The following KCNAB1 variants were observed in gnomAD, a reference collection of about 807,000 sequenced individuals.
The protein encoded by KCNAB1 is potassium voltage-gated channel subfamily A regulatory beta subunit 1, also known as voltage-gated potassium channel subunit beta-1.
A neutral mutation model predicts 64.6 loss-of-function variants in KCNAB1; 35 were observed. The observed-to-expected ratio is 0.54, with a 90% CI of 0.41 to 0.72. The LOEUF (loss-of-function observed/expected upper bound fraction) is 0.72, where lower values mean the gene tolerates loss of function less well. Ranked by LOEUF, KCNAB1 falls within the 30% of genes least tolerant of loss-of-function variation. The probability of loss-of-function intolerance (pLI) is 0.00; values close to 1 mark genes in which losing one functional copy is unlikely to be tolerated. For synonymous variants in KCNAB1, 177 were observed against 183.8 expected (o/e 0.96, Z 0.30); for missense variants, 401 against 512.9 (o/e 0.78, Z 2.11).
At position 156,342,723 on chromosome 3, in the gene KCNAB1, C is replaced by T. The variant is rs144979515; in HGVS notation, c.276-78893C>T. On this transcript the variant is annotated intron_variant, in intron 1 of 13. Transcript: ENST00000490337. ...TGCGCTGCGCCCACTAACGTGTCAT[C>T]TAGCATTAGGTATATCTCCCAATGA... Among the ~76,000 whole-genome samples, 862 of 149,546 alleles carry T rather than the reference C, an allele frequency of 5.8e-3. 10 individuals are homozygous for T. The highest frequency in any genetic ancestry group is 0.021 in the African/African-American group (840 of 40,640).
chr3:156,290,856 T>C, intron 1 of KCNAB1: 1 of 567,386 alleles, frequency 1.8e-6, no homozygotes, highest in Non-Finnish European at 2.2e-6. Context: ...AAGTCTGCAC[T>C]GTGGCATCTC....
chr3:156,261,938 T>G (rs370778071), intron 1 of KCNAB1, among the ~76,000 whole-genome samples: 1 of 152,106 alleles, frequency 6.6e-6, no homozygotes, highest in East Asian at 1.9e-4. Context: ...TTTGTACTTC[T>G]TTTTAAAAAT....
chr3:156,234,299 C>T (rs533343637), intron 1 of KCNAB1, among the ~76,000 whole-genome samples: 1 of 152,058 alleles, frequency 6.6e-6, no homozygotes, highest in East Asian at 1.9e-4. Flanking sequence ...TGTCTGTGTG[C>T]CTATGGGAAA....
At chr3:156,451,802 C>T (rs536156711) in intron 2 of KCNAB1, among the ~76,000 whole-genome samples, 2 of 152,156 alleles carry the variant, frequency 1.3e-5, no homozygotes, top group South Asian at 2.1e-4. Context: ...CTTTCCTGGC[C>T]GGTGCTCTTG....
chr3:156,179,000 C>CAA (rs200144513), intron 1 of KCNAB1, among the ~76,000 whole-genome samples: 2,141 of 107,802 alleles, frequency 0.02, 157 homozygotes, highest in African/African-American at 0.068. Context: ...GACTCCGTCT[C>CAA]AAAAAAAAAA....
intron 8 of KCNAB1, among the ~76,000 whole-genome samples, chr3:156,495,056 T>C (rs1715913538): frequency 6.6e-6 from 1 of 152,130 alleles, no homozygotes; most frequent in South Asian, 2.1e-4. Flanking sequence ...CCCCAGTGTG[T>C]GTGCCCTGCA....
At chr3:156,259,109 G>A (rs1262469138) in intron 1 of KCNAB1, among the ~76,000 whole-genome samples, 1 of 152,198 alleles carries the variant, frequency 6.6e-6, no homozygotes, top group Non-Finnish European at 1.5e-5. Flanking sequence ...TTGGGATCTA[G>A]TGACTCAATG....
intron 1 of KCNAB1, chr3:156,143,127 T>C (rs1013333015): frequency 1.3e-6 from 2 of 1,512,052 alleles, no homozygotes; most frequent in Admixed American, 2.2e-5. Context: ...ATACAGTGAG[T>C]CTTAAAGTTA....
intron 1 of KCNAB1, among the ~76,000 whole-genome samples, chr3:156,352,988 C>T (rs992471849): frequency 6.6e-6 from 1 of 152,264 alleles, no homozygotes; most frequent in Admixed American, 6.5e-5. Flanking sequence ...GCTCACCCCA[C>T]ACATCTAACA....
intron 1 of KCNAB1, among the ~76,000 whole-genome samples, chr3:156,298,634 A>T (rs370579293): frequency 6.6e-6 from 1 of 152,148 alleles, no homozygotes. Context: ...ACAGTATGAG[A>T]TTTGGATTCA....
chr3:156,138,408 A>G (rs6441034), intron 1 of KCNAB1, among the ~76,000 whole-genome samples: 107,851 of 152,076 alleles, frequency 0.71, 38,555 homozygotes, highest in Admixed American at 0.78. Context: ...CCCGGCAGTG[A>G]CAGTGCATTC....
intron 1 of KCNAB1, among the ~76,000 whole-genome samples, chr3:156,139,803 A>C (rs1714603336): frequency 6.6e-6 from 1 of 152,086 alleles, no homozygotes; most frequent in African/African-American, 2.4e-5. Context: ...CATTCTGATC[A>C]TTATAACTGG....
intron 1 of KCNAB1, among the ~76,000 whole-genome samples, chr3:156,282,537 C>T (rs1308300080): frequency 9.4e-5 from 14 of 149,318 alleles, no homozygotes; most frequent in Admixed American, 6.6e-4. Context: ...CTTTCTGTCT[C>T]GTTGATCTGT....
At chr3:156,436,109 C>T (rs1487250846) in intron 2 of KCNAB1, among the ~76,000 whole-genome samples, 1 of 152,052 alleles carries the variant, frequency 6.6e-6, no homozygotes, top group African/African-American at 2.4e-5. Context: ...GTGTTGTTAC[C>T]CTCCCTGTAT....
intron 1 of KCNAB1, among the ~76,000 whole-genome samples, chr3:156,339,745 A>G (rs1375930): frequency 0.019 from 2,923 of 152,302 alleles, 43 homozygotes; most frequent in Non-Finnish European, 0.032. Context: ...GCCATTGCAC[A>G]TCTGTGACCT....
At chr3:156,369,437 G>A (rs9853634) in intron 1 of KCNAB1, among the ~76,000 whole-genome samples, 39,995 of 152,086 alleles carry the variant, frequency 0.26, 6,587 homozygotes, top group African/African-American at 0.47. Flanking sequence ...ATATGTATTC[G>A]TTTCTCTTAG....
upstream of KCNAB1, among the ~76,000 whole-genome samples, chr3:156,119,394 G>A (rs1383512320): frequency 2.0e-5 from 3 of 152,184 alleles, no homozygotes; most frequent in African/African-American, 7.2e-5. Flanking sequence ...GAGGCCTTAT[G>A]ACAGCCTATT....
chr3:156,338,064 G>T (rs1046770149), intron 1 of KCNAB1, among the ~76,000 whole-genome samples: 2 of 152,086 alleles, frequency 1.3e-5, no homozygotes, highest in Non-Finnish European at 2.9e-5. Flanking sequence ...GATATATGCT[G>T]CTGGCCTCCA....
chr3:156,287,186 C>T (rs970085553), intron 1 of KCNAB1, among the ~76,000 whole-genome samples: 2 of 152,010 alleles, frequency 1.3e-5, no homozygotes, highest in Non-Finnish European at 2.9e-5. Context: ...GTTATGTAGC[C>T]TGTGATCTGT....
Sources: allele counts gnomAD v4.1 joint callset (sites outside exome capture counted in the v4.1 genomes callset), GRCh38; gene constraint gnomAD v4.1.1; transcripts MANE v1.5; gene names NCBI Gene and HGNC (gene_info 2026-07-23, HGNC 2026-07-21).